Variants in IL1RAPL1 observed in about 807,000 individuals in gnomAD.
IL1RAPL1 encodes the protein interleukin 1 receptor accessory protein like 1.
In IL1RAPL1, 3 loss-of-function variants were observed where a neutral mutation model predicts 48.4. That is an observed-to-expected ratio of 0.06 (90% CI 0.03 to 0.16). IL1RAPL1 has a LOEUF of 0.16. Among genes scored for constraint, IL1RAPL1 ranks in the 10% least tolerant of loss-of-function variants. IL1RAPL1 has a pLI of 1.00. For synonymous variants in IL1RAPL1, 185 were observed against 187.7 expected, an observed-to-expected ratio of 0.99 and a Z score of 0.12; for missense variants, 349 against 530.6, an observed-to-expected ratio of 0.66 and a Z score of 3.36.
chrX:28,604,148 T>C (rs1396245349), intron 1 of IL1RAPL1, among the ~76,000 whole-genome samples: 2 of 112,253 alleles, frequency 1.8e-5, no homozygotes, highest in East Asian at 5.6e-4. Flanking sequence ...TTAGCTTTTT[T>C]CCCTACTTTT....
intron 2 of IL1RAPL1, among the ~76,000 whole-genome samples, chrX:29,236,808 A>G (rs1236164084): frequency 9.4e-6 from 1 of 106,007 alleles, no homozygotes; most frequent in African/African-American, 3.5e-5. Flanking sequence ...TGACCTCATG[A>G]TCTGCCCACC....
At chrX:28,795,433 A>G (rs917337423) in intron 2 of IL1RAPL1, among the ~76,000 whole-genome samples, 2 of 111,302 alleles carry the variant, frequency 1.8e-5, no homozygotes, top group Non-Finnish European at 3.8e-5. Context: ...TTGTCAGTAT[A>G]ATTTTATATA....
intron 2 of IL1RAPL1, among the ~76,000 whole-genome samples, chrX:28,945,891 A>G (rs1043519361): frequency 6.5e-5 from 6 of 92,796 alleles, no homozygotes; most frequent in African/African-American, 2.4e-4. Flanking sequence ...ATGTATGTAT[A>G]TATATATATA....
At chrX:29,201,332 T>A (rs1930550965) in intron 2 of IL1RAPL1, among the ~76,000 whole-genome samples, 1 of 112,010 alleles carries the variant, frequency 8.9e-6, no homozygotes, top group Non-Finnish European at 1.9e-5. Context: ...TTTTTTAAAT[T>A]TCTAAAATAA....
At chrX:28,822,599 C>T (rs907532582) in intron 2 of IL1RAPL1, among the ~76,000 whole-genome samples, 2 of 111,535 alleles carry the variant, frequency 1.8e-5, no homozygotes, top group African/African-American at 6.5e-5. Flanking sequence ...CTGTTTCATT[C>T]GGGGAGGACA....
chrX:29,926,012 CTT>C (rs750562613), intron 8 of IL1RAPL1, among the ~76,000 whole-genome samples: 8 of 101,036 alleles, frequency 7.9e-5, no homozygotes, highest in Non-Finnish European at 2.0e-5. Flanking sequence ...GTTTTGAAGG[CTT>C]TTTTTTTTTT....
At chrX:29,721,068 GGA>G (rs1313775718) in intron 6 of IL1RAPL1, among the ~76,000 whole-genome samples, 1 of 111,844 alleles carries the variant, frequency 8.9e-6, no homozygotes, top group African/African-American at 3.3e-5. Context: ...AAGAATCCAT[GGA>G]ATTGACCACT....
Position 29,567,893 on chromosome X carries a change from C to A in IL1RAPL1, c.704-100537C>A, listed in dbSNP as rs761598467. Among the ~76,000 whole-genome samples, 5 of 110,811 alleles carry A rather than the reference C, an allele frequency of 4.5e-5. No homozygotes were observed. The East Asian group carries it at 1.4e-3, about 31-fold the overall frequency. On this transcript the variant is annotated intron_variant, in intron 5 of 10. Transcript: ENST00000378993. ...GAGACTTGTGGAGGTTTCAAAGGGA[C>A]TTGTGAGGAAAAAGTTTTGGACAGA...
In IL1RAPL1 at chrX:29,297,614, T is replaced by C. The variant is rs747074433; in HGVS notation, c.362+14397T>C. Among the ~76,000 whole-genome samples the C allele has an allele frequency of 7.9e-4, 89 of 112,241 alleles. 1 individual carries two copies. The highest frequency in any genetic ancestry group is 2.5e-3 in the African/African-American group (76 of 31,008). ...ACATGGAAAAGATTTTAGATTTCACTGTAGGGGTTGCTTAGTTTTACAGAT... is the reference window on the plus strand; with the variant it reads ...ACATGGAAAAGATTTTAGATTTCACCGTAGGGGTTGCTTAGTTTTACAGAT... On this transcript the variant is annotated intron_variant, in intron 3 of 10. Transcript: ENST00000378993.
At chrX:29,202,558 C>T (rs188729150) in intron 2 of IL1RAPL1, among the ~76,000 whole-genome samples, 76 of 111,815 alleles carry the variant, frequency 6.8e-4, no homozygotes, top group African/African-American at 1.9e-3. Flanking sequence ...AACACACATG[C>T]GTATGTTCAC....
intron 2 of IL1RAPL1, among the ~76,000 whole-genome samples, chrX:28,826,793 A>G (rs922317594): frequency 3.6e-5 from 4 of 110,979 alleles, no homozygotes; most frequent in African/African-American, 6.5e-5. Flanking sequence ...CCCAGATGCT[A>G]TATTGTTATT....
At chrX:29,924,083 T>C (rs965101284) in intron 8 of IL1RAPL1, among the ~76,000 whole-genome samples, 2 of 111,923 alleles carry the variant, frequency 1.8e-5, no homozygotes, top group African/African-American at 6.5e-5. Context: ...TTCTATAAAA[T>C]GGGAATAATA....
chrX:28,797,970 G>T (rs1469965962), intron 2 of IL1RAPL1, among the ~76,000 whole-genome samples: 2 of 111,727 alleles, frequency 1.8e-5, no homozygotes, highest in African/African-American at 6.5e-5. Flanking sequence ...ATCTTACATG[G>T]ATGGCAGCAG....
intron 2 of IL1RAPL1, among the ~76,000 whole-genome samples, chrX:28,883,319 A>G (rs1922550698): frequency 8.9e-6 from 1 of 112,109 alleles, no homozygotes; most frequent in African/African-American, 3.2e-5. Context: ...TTGAATATTG[A>G]TAATATAGTG....
chrX:29,861,718 T>C (rs1266684808), intron 6 of IL1RAPL1, among the ~76,000 whole-genome samples: 1 of 110,521 alleles, frequency 9.0e-6, no homozygotes, highest in Non-Finnish European at 1.9e-5. Context: ...AAAATAAAAA[T>C]AATGAAATAA....
intron 5 of IL1RAPL1, among the ~76,000 whole-genome samples, chrX:29,613,712 CGTGTGTGT>C (rs753582133): frequency 0.017 from 1,026 of 58,791 alleles, 16 homozygotes; most frequent in African/African-American, 0.055. Flanking sequence ...GGGTTTTTTT[CGTGTGTGT>C]GTGTGTGTGT....
At chrX:28,701,421 A>G in intron 1 of IL1RAPL1, among the ~76,000 whole-genome samples, 1 of 111,792 alleles carries the variant, frequency 8.9e-6, no homozygotes, top group Non-Finnish European at 1.9e-5. Flanking sequence ...GGGGGCAGTT[A>G]TTTTCCTGCC....
At chrX:28,873,105 A>AT (rs1922249377) in intron 2 of IL1RAPL1, among the ~76,000 whole-genome samples, 1 of 54,960 alleles carries the variant, frequency 1.8e-5, no homozygotes, top group Admixed American at 1.9e-4. Context: ...TTTTTTTTTC[A>AT]CTTTTTTTTT....
intron 1 of IL1RAPL1, among the ~76,000 whole-genome samples, chrX:28,773,060 T>A (rs1381448924): frequency 9.2e-6 from 1 of 109,273 alleles, no homozygotes; most frequent in Non-Finnish European, 1.9e-5. Flanking sequence ...TTTCTTATAA[T>A]ATCTCTCTCT....
Sources: allele counts gnomAD v4.1 joint callset (sites outside exome capture counted in the v4.1 genomes callset), GRCh38; gene constraint gnomAD v4.1.1; transcripts MANE v1.5; gene names NCBI Gene and HGNC (gene_info 2026-07-23, HGNC 2026-07-21).